The following MAP7 variants were observed in gnomAD, a reference collection of about 807,000 sequenced individuals.
MAP7 encodes ensconsin.
A neutral mutation model predicts 94.8 loss-of-function variants in MAP7; 52 were observed. The observed-to-expected ratio is 0.55, with a 90% CI of 0.44 to 0.69. The LOEUF (loss-of-function observed/expected upper bound fraction) is 0.69, where lower values mean the gene tolerates loss of function less well. Among genes scored for constraint, MAP7 ranks in the 30% least tolerant of loss-of-function variants. The probability of loss-of-function intolerance (pLI) is 0.00; values close to 1 mark genes in which losing one functional copy is unlikely to be tolerated. For synonymous variants in MAP7, 350 were observed against 357.0 expected (o/e 0.98, Z 0.22); for missense variants, 940 against 964.6 (o/e 0.97, Z 0.34).
chr6:136,531,114 T>C (rs1241900586), intron 1 of MAP7, among the ~76,000 whole-genome samples: 1 of 145,130 alleles, frequency 6.9e-6, no homozygotes, highest in South Asian at 2.1e-4. Context: ...GCCCTCTTGT[T>C]CATTACTCTC....
At position 136,468,344 on chromosome 6, in the gene MAP7, T is replaced by A. The variant is rs149911414; in HGVS notation, c.68-46545A>T. Among the ~76,000 whole-genome samples, 861 of 152,294 alleles carry A rather than the reference T, an allele frequency of 5.7e-3. 16 individuals are homozygous for A. Among genetic ancestry groups the A allele is most frequent in the African/African-American group, 0.019 (800 of 41,546 alleles). On this transcript the variant is annotated intron_variant, in intron 1 of 17. Coordinates refer to ENST00000354570, the MANE Select transcript of MAP7 (RefSeq NM_003980.6). ...TTTACACATATGAACTGGTCTAATC[T>A]CACAACAACCCTATTATGACGCCAG...
chr6:136,457,953 G>A (rs1803895635), intron 1 of MAP7, among the ~76,000 whole-genome samples: 2 of 152,026 alleles, frequency 1.3e-5, no homozygotes, highest in South Asian at 4.1e-4. Context: ...AGAGCAATTA[G>A]GCAAGAAAAA....
chr6:136,427,880 G>T (rs1380339353), intron 1 of MAP7, among the ~76,000 whole-genome samples: 2 of 152,156 alleles, frequency 1.3e-5, no homozygotes, highest in Non-Finnish European at 2.9e-5. Flanking sequence ...GTCACTTTCT[G>T]ATTTCTCCAT....
At chr6:136,387,171 G>A (rs1779388166) in intron 5 of MAP7, among the ~76,000 whole-genome samples, 1 of 152,084 alleles carries the variant, frequency 6.6e-6, no homozygotes, top group South Asian at 2.1e-4. Flanking sequence ...AACAATGAAA[G>A]AGAACAGAAT....
chr6:136,470,427 A>G (rs1026783523), intron 1 of MAP7, among the ~76,000 whole-genome samples: 9 of 152,140 alleles, frequency 5.9e-5, no homozygotes, highest in Admixed American at 2.0e-4. Context: ...ACCACAATCG[A>G]GTTAATTAAC....
intron 10 of MAP7, chr6:136,364,132 G>T (rs1793608072): frequency 2.4e-6 from 1 of 410,726 alleles, no homozygotes; most frequent in Non-Finnish European, 4.7e-6. Flanking sequence ...TCACACCATG[G>T]CCTCTGTTTC....
intron 16 of MAP7, among the ~76,000 whole-genome samples, chr6:136,354,418 A>T (rs1187244477): frequency 6.9e-6 from 1 of 144,886 alleles, no homozygotes; most frequent in African/African-American, 2.5e-5. Flanking sequence ...GATATATATA[A>T]AAATATATAT....
At position 136,392,513 on chromosome 6, in the gene MAP7, C is replaced by T. The variant is rs1399704845; in HGVS notation, c.245-2996G>A. Among the ~76,000 whole-genome samples, 3 of 148,346 alleles carry T rather than the reference C, an allele frequency of 2.0e-5. No homozygotes were observed. The East Asian group carries it at 6.0e-4, about 29-fold the overall frequency. ...GTATTTTATTGTCTATATACTATAC[C>T]TTATTTTATATAACCAGTTACCTAC... On this transcript the variant is annotated intron_variant, in intron 3 of 17. Coordinates refer to ENST00000354570, the MANE Select transcript of MAP7 (RefSeq NM_003980.6).
Position 136,360,989 on chromosome 6 carries a change from T to C in MAP7, c.1701+16A>G. 1 of 1,558,764 alleles carries C rather than the reference T, an allele frequency of 6.4e-7. No homozygotes were observed. The highest frequency in any genetic ancestry group is 1.1e-5 in the South Asian group (1 of 87,550). The stretch of plus-strand genomic sequence containing the variant: ...TGCGGGACTGGGGCCGGGGCCAGGG[T>C]GGGGTGCGGCCGCACCTGCCTCTGG... On this transcript the variant is annotated intron_variant, in intron 12 of 17. Coordinates refer to ENST00000354570, the MANE Select transcript of MAP7 (RefSeq NM_003980.6).
At chr6:136,503,993 A>G (rs1820599286) in intron 1 of MAP7, among the ~76,000 whole-genome samples, 1 of 152,242 alleles carries the variant, frequency 6.6e-6, no homozygotes. Flanking sequence ...CAGTTGGGGA[A>G]TAGTAAATAA....
At chr6:136,440,339 CACA>C (rs1326171674) in intron 1 of MAP7, among the ~76,000 whole-genome samples, 43 of 152,032 alleles carry the variant, frequency 2.8e-4, no homozygotes, top group Non-Finnish European at 3.8e-4. Context: ...TCTACGGGAA[CACA>C]GAGACAGGTA....
chr6:136,509,962 G>A lies in MAP7; in HGVS notation c.67+40380C>T, dbSNP rs140982179. On this transcript the variant is annotated intron_variant, in intron 1 of 17. Coordinates refer to ENST00000354570, the MANE Select transcript of MAP7 (RefSeq NM_003980.6). The stretch of plus-strand genomic sequence containing the variant: ...CATGCCTGTAATCCCAGCTCTTTGG[G>A]AGGCCGAGGCAGGTGGATCACCTGA... Among the ~76,000 whole-genome samples, 661 of 152,330 alleles carry A rather than the reference G, an allele frequency of 4.3e-3. 1 individual carries two copies. The highest frequency in any genetic ancestry group is 0.01 in the Middle Eastern group (3 of 294).
At chr6:136,400,373 G>C in intron 3 of MAP7, among the ~76,000 whole-genome samples, 1 of 149,026 alleles carries the variant, frequency 6.7e-6, no homozygotes, top group South Asian at 2.1e-4. Flanking sequence ...CCAAGATTGC[G>C]CTACTGCACT....
intron 3 of MAP7, among the ~76,000 whole-genome samples, chr6:136,405,442 T>C (rs1269426808): frequency 6.6e-6 from 1 of 152,142 alleles, no homozygotes; most frequent in Non-Finnish European, 1.5e-5. Flanking sequence ...ATGAACTATG[T>C]GGATTTCTCA....
intron 4 of MAP7, 114 bp downstream of exon 4, chr6:136,389,240 C>T (rs1399549375): frequency 7.0e-7 from 1 of 1,437,146 alleles, no homozygotes; most frequent in Non-Finnish European, 9.1e-7. Flanking sequence ...TAAAGCTGAT[C>T]ACTCTGAAAC....
intron 3 of MAP7, among the ~76,000 whole-genome samples, chr6:136,408,107 A>G (rs1274139088): frequency 6.6e-6 from 1 of 152,212 alleles, no homozygotes; most frequent in African/African-American, 2.4e-5. Flanking sequence ...CACCCTTGGA[A>G]AACAAAAAAT....
intron 3 of MAP7, among the ~76,000 whole-genome samples, chr6:136,390,585 G>A (rs989588008): frequency 1.3e-5 from 2 of 152,090 alleles, no homozygotes; most frequent in East Asian, 1.9e-4. Context: ...CTTGGGAGGC[G>A]GATGTTGCAG....
intron 1 of MAP7, among the ~76,000 whole-genome samples, chr6:136,435,862 G>A (rs535342108): frequency 2.0e-5 from 3 of 152,162 alleles, no homozygotes; most frequent in Non-Finnish European, 4.4e-5. Flanking sequence ...TAGAATAGAT[G>A]TTTAATACAA....
intron 15 of MAP7, among the ~76,000 whole-genome samples, chr6:136,358,209 G>A (rs1403456792): frequency 6.6e-6 from 1 of 152,106 alleles, no homozygotes; most frequent in Non-Finnish European, 1.5e-5. Context: ...GATTTATAAA[G>A]AATACTGAAA....
Sources: allele counts gnomAD v4.1 joint callset (sites outside exome capture counted in the v4.1 genomes callset), GRCh38; gene constraint gnomAD v4.1.1; transcripts MANE v1.5; gene names NCBI Gene and HGNC (gene_info 2026-07-23, HGNC 2026-07-21).